Variants in IRAG1 observed in about 807,000 individuals in gnomAD.
The protein encoded by IRAG1 is IP3R-associated cGMP kinase substrate.
IRAG1 carries 62 observed loss-of-function variants against 106.2 expected under a neutral mutation model. The ratio of observed to expected loss-of-function variants is 0.58; its 90% confidence interval spans 0.48 to 0.72. The LOEUF is 0.72. IRAG1 is among the 30% of genes least tolerant of loss of function. IRAG1 has a pLI of 0.00. For synonymous variants in IRAG1, 462 were observed against 443.9 expected (o/e 1.04, Z -0.51); for missense variants, 1,064 against 1,140.7 (o/e 0.93, Z 0.97).
chr11:10,606,607 G>T, intron 12 of IRAG1, 135 bp downstream of exon 12: 1 of 879,194 alleles, frequency 1.1e-6, no homozygotes. Flanking sequence ...GGTCATGAAT[G>T]TTCACATTAC....
Position 10,580,438 on chromosome 11 carries a change from A to G in IRAG1, c.2495+17T>C. On this transcript the variant is annotated intron_variant, in intron 20 of 20. Coordinates refer to ENST00000423302, the MANE Select transcript of IRAG1 (RefSeq NM_130385.4). ...CCATTTCAGCAACGGCAAGGACTCC[A>G]AACACAGGCTTCCCACCTGCTTCTT... 6.2e-7 allele frequency: 1 copy of G among 1,604,822 alleles called. No homozygotes were observed. Among genetic ancestry groups the G allele is most frequent in the Non-Finnish European group, 8.5e-7 (1 of 1,177,266 alleles).
In IRAG1 at chr11:10,652,208, C is replaced by G. The variant is rs778133434; in HGVS notation, c.68-26G>C. 3.7e-6 allele frequency: 6 copies of G among 1,612,660 alleles called. No individual in the cohort carries two copies. The Admixed American group carries it at 6.7e-5, about 18-fold the overall frequency. On this transcript the variant is annotated intron_variant, in intron 1 of 20. Transcript: ENST00000423302. Reference sequence around the variant, plus strand: ...CTGGGGAGATGCCAAAAGGACAAGTCAAATCCATTCCCATCCCTGTCCCAA... The same window carrying G: ...CTGGGGAGATGCCAAAAGGACAAGTGAAATCCATTCCCATCCCTGTCCCAA...
intron 1 of IRAG1, chr11:10,690,244 G>C: frequency 2.6e-6 from 1 of 387,580 alleles, no homozygotes; most frequent in Non-Finnish European, 4.5e-6. Flanking sequence ...GTAAAAATTA[G>C]CCAGGCATGG....
At chr11:10,641,050 C>G (rs1472322248) in intron 2 of IRAG1, among the ~76,000 whole-genome samples, 2 of 152,154 alleles carry the variant, frequency 1.3e-5, no homozygotes, top group African/African-American at 2.4e-5. Flanking sequence ...TGTATTCTCT[C>G]TCTCTCTCTC....
Position 10,618,944 on chromosome 11 carries a change from T to C in IRAG1, c.1447+4834A>G, listed in dbSNP as rs560388823. On this transcript the variant is annotated intron_variant, in intron 10 of 20. Transcript: ENST00000423302. ...TGCGGCTGCTGTGTTGGCCATGGTG[T>C]GAGCTGGGTTGGGGGTTGGGAGTGC... 7.4e-3 allele frequency among the ~76,000 whole-genome samples: 1,130 copies of C among 152,230 alleles called. 7 individuals carry two copies. Among genetic ancestry groups the C allele is most frequent in the Non-Finnish European group, 0.012 (812 of 67,990 alleles).
At chr11:10,640,318 T>A (rs1857426840) in intron 2 of IRAG1, among the ~76,000 whole-genome samples, 1 of 152,178 alleles carries the variant, frequency 6.6e-6, no homozygotes, top group Non-Finnish European at 1.5e-5. Flanking sequence ...CACTCACAAT[T>A]CCAAGTGGCT....
At chr11:10,655,789 CA>C (rs1383459909) in intron 1 of IRAG1, among the ~76,000 whole-genome samples, 2 of 152,142 alleles carry the variant, frequency 1.3e-5, no homozygotes, top group African/African-American at 4.8e-5. Context: ...CCCTCTCTTC[CA>C]AAAAGAGCTT....
In IRAG1 at chr11:10,643,837, TCA is replaced by T. The variant is rs758789320; in HGVS notation, c.225+8186_225+8187del. 5.9e-5 allele frequency among the ~76,000 whole-genome samples: 9 copies of T among 152,224 alleles called. 1 individual carries two copies. Among genetic ancestry groups the T allele is most frequent in the Non-Finnish European group, 1.3e-4 (9 of 68,000 alleles). On this transcript the variant is annotated intron_variant, in intron 2 of 20. Coordinates refer to ENST00000423302, the MANE Select transcript of IRAG1 (RefSeq NM_130385.4). ...GCACAGTCTGTGGCCCGCAAGTAGC[TCA>T]CACATAGCCTGATGTGTGGAGACAG...
chr11:10,652,756 T>C (rs1404346118), intron 1 of IRAG1, among the ~76,000 whole-genome samples: 1 of 152,168 alleles, frequency 6.6e-6, no homozygotes, highest in African/African-American at 2.4e-5. Context: ...TCCTCAGCCA[T>C]GTGGATGGGG....
intron 1 of IRAG1, among the ~76,000 whole-genome samples, chr11:10,653,539 GA>G (rs1044543252): frequency 1.4e-4 from 21 of 152,154 alleles, no homozygotes; most frequent in African/African-American, 4.8e-4. Context: ...TTTCCATAGG[GA>G]AAGGCAGGAT....
At chr11:10,672,506 G>T (rs1200661318) in intron 1 of IRAG1, among the ~76,000 whole-genome samples, 2 of 152,138 alleles carry the variant, frequency 1.3e-5, no homozygotes, top group African/African-American at 4.8e-5. Flanking sequence ...ATTTTTAAAT[G>T]GGCAAAATAT....
intron 7 of IRAG1, 28 bp from the exon 8 acceptor site, chr11:10,627,788 T>C (rs1450058062): frequency 3.7e-6 from 6 of 1,613,652 alleles, no homozygotes; most frequent in Admixed American, 1.7e-5. Flanking sequence ...CAGGAGTCAG[T>C]CAGCAATGGG....
chr11:10,680,366 A>AAAGAAAGAAAGAAAGGAAGG (rs1564942473), intron 1 of IRAG1, among the ~76,000 whole-genome samples: 1 of 94,344 alleles, frequency 1.1e-5, no homozygotes, highest in African/African-American at 4.8e-5. Flanking sequence ...AGAAAGAAAG[A>AAAGAAAGAAAGAAAGGAAGG]AAGAAGGAAG....
rs145769093 is a variant in IRAG1, at chr11:10,608,897, C to T, written c.1571+831G>A. Among the ~76,000 whole-genome samples, 205 of 152,184 alleles carry T rather than the reference C, an allele frequency of 1.3e-3. 1 individual carries two copies. In the Middle Eastern group the frequency reaches 0.031, roughly 23 times the overall value. Reference sequence around the variant, plus strand: ...TTTTTGGTGCCATATCTAAAAAACCCAAAGACATGAAGATTTACTTATATT... The same window carrying T: ...TTTTTGGTGCCATATCTAAAAAACCTAAAGACATGAAGATTTACTTATATT... On this transcript the variant is annotated intron_variant, in intron 11 of 20. Coordinates refer to ENST00000423302, the MANE Select transcript of IRAG1 (RefSeq NM_130385.4).
At chr11:10,593,361 A>C (rs1169505912) in intron 17 of IRAG1, 131 bp downstream of exon 17, 5 of 667,052 alleles carry the variant, frequency 7.5e-6, no homozygotes, top group Non-Finnish European at 1.3e-5. Context: ...TATCACTCAG[A>C]TTCTATTCTG....
chr11:10,654,680 G>A (rs1218036261), intron 1 of IRAG1, among the ~76,000 whole-genome samples: 2 of 152,210 alleles, frequency 1.3e-5, no homozygotes, highest in Middle Eastern at 3.2e-3. Flanking sequence ...GAAGTTGCAG[G>A]ACCCCAGAAA....
At chr11:10,604,310 A>G (rs1854297219) in intron 13 of IRAG1, 95 bp downstream of exon 13, 1 of 1,483,548 alleles carries the variant, frequency 6.7e-7, no homozygotes, top group South Asian at 1.3e-5. Flanking sequence ...ACTTCAGGAG[A>G]CTATACTTGG....
At chr11:10,604,965 A>G (rs1361720102) in intron 12 of IRAG1, among the ~76,000 whole-genome samples, 1 of 152,108 alleles carries the variant, frequency 6.6e-6, no homozygotes, top group East Asian at 1.9e-4. Flanking sequence ...ATTGAAAGAA[A>G]CTCCATGTGA....
chr11:10,673,647 G>A (rs1371874298), intron 1 of IRAG1, among the ~76,000 whole-genome samples: 1 of 151,930 alleles, frequency 6.6e-6, no homozygotes, highest in Non-Finnish European at 1.5e-5. Context: ...GAGTCATATG[G>A]CGTGTGGATT....
Sources: allele counts gnomAD v4.1 joint callset (sites outside exome capture counted in the v4.1 genomes callset), GRCh38; gene constraint gnomAD v4.1.1; transcripts MANE v1.5; gene names NCBI Gene and HGNC (gene_info 2026-07-23, HGNC 2026-07-21).